Variants in SEMA3A observed in about 807,000 individuals in gnomAD.
The protein encoded by SEMA3A is semaphorin 3A, also known as semaphorin-3A.
In SEMA3A, 29 loss-of-function variants were observed where a neutral mutation model predicts 97.9. That is an observed-to-expected ratio of 0.30 (90% CI 0.22 to 0.40). The LOEUF (loss-of-function observed/expected upper bound fraction) is 0.40, where lower values mean the gene tolerates loss of function less well. Ranked by LOEUF, SEMA3A falls within the 10% of genes least tolerant of loss-of-function variation. The pLI, the probability that SEMA3A is intolerant of heterozygous loss-of-function variation, is 1.00. For synonymous variants in SEMA3A, 321 were observed against 323.7 expected, an observed-to-expected ratio of 0.99 and a Z score of 0.09; for missense variants, 763 against 951.3, an observed-to-expected ratio of 0.80 and a Z score of 2.60.
At chr7:84,258,069 C>T (rs1260585961) in intron 3 of SEMA3A, among the ~76,000 whole-genome samples, 4 of 152,136 alleles carry the variant, frequency 2.6e-5, no homozygotes, top group East Asian at 1.9e-4. Context: ...TCATTGTCTT[C>T]GTGTTCAAAG....
chr7:84,435,728 C>T (rs1435585678), intron 1 of SEMA3A, among the ~76,000 whole-genome samples: 1 of 152,094 alleles, frequency 6.6e-6, no homozygotes, highest in African/African-American at 2.4e-5. Flanking sequence ...GAATTAATAC[C>T]ATTGAAATGT....
chr7:84,151,467 A>G (rs1411171840), intron 1 of SEMA3A, among the ~76,000 whole-genome samples: 1 of 151,962 alleles, frequency 6.6e-6, no homozygotes, highest in Non-Finnish European at 1.5e-5. Flanking sequence ...AGCCGATGCG[A>G]TCAACTGGAA....
At chr7:84,329,191 A>G (rs1363370126) in intron 2 of SEMA3A, among the ~76,000 whole-genome samples, 2 of 151,990 alleles carry the variant, frequency 1.3e-5, no homozygotes, top group African/African-American at 4.8e-5. Context: ...CAGAGGTAAC[A>G]TTATGTATAA....
chr7:84,389,043 T>C (rs1236658166), intron 1 of SEMA3A, among the ~76,000 whole-genome samples: 1 of 151,988 alleles, frequency 6.6e-6, no homozygotes, highest in African/African-American at 2.4e-5. Flanking sequence ...AAGGAGACCT[T>C]ATGAGGGGGA....
chr7:84,318,891 A>T (rs1393032590), intron 2 of SEMA3A, among the ~76,000 whole-genome samples: 2 of 152,154 alleles, frequency 1.3e-5, no homozygotes, highest in African/African-American at 4.8e-5. Flanking sequence ...AAGGCCAATG[A>T]AACAGTAACC....
intron 1 of SEMA3A, among the ~76,000 whole-genome samples, chr7:84,408,455 C>G (rs1417639397): frequency 8.6e-5 from 13 of 151,710 alleles, no homozygotes; most frequent in African/African-American, 2.4e-5. Flanking sequence ...GGACTGTAAA[C>G]TAGTTCAACC....
intron 12 of SEMA3A, among the ~76,000 whole-genome samples, chr7:83,999,172 TG>T (rs1216266207): frequency 6.6e-6 from 1 of 152,206 alleles, no homozygotes; most frequent in Non-Finnish European, 1.5e-5. Flanking sequence ...GATTTATTCT[TG>T]TCCATAATGT....
At chr7:84,317,932 T>C (rs1043423267) in intron 2 of SEMA3A, among the ~76,000 whole-genome samples, 1 of 152,156 alleles carries the variant, frequency 6.6e-6, no homozygotes, top group Admixed American at 6.5e-5. Context: ...AACTGGTGTA[T>C]TGTTATGCCA....
At chr7:84,007,538 A>T (rs1475049163) in intron 9 of SEMA3A, 41 bp from the exon 10 acceptor site, 1 of 1,424,208 alleles carries the variant, frequency 7.0e-7, no homozygotes, top group Non-Finnish European at 9.3e-7. Context: ...GTTCATCTTT[A>T]TACAATGGTA....
At position 84,149,305 on chromosome 7, in the gene SEMA3A, C is replaced by A. The variant is rs545726932; in HGVS notation, c.113-14354G>T. Among the ~76,000 whole-genome samples the A allele has an allele frequency of 2.2e-4, 34 of 152,252 alleles. 2 individuals are homozygous for A. The South Asian group carries it at 6.8e-3, about 31-fold the overall frequency. ...CTTCCATTTTGTTTCCAAATAGTTTCTTGCTATTAATGTAATTGTCTACAA... is the reference window on the plus strand; with the variant it reads ...CTTCCATTTTGTTTCCAAATAGTTTATTGCTATTAATGTAATTGTCTACAA... On this transcript the variant is annotated intron_variant, in intron 1 of 16. Transcript: ENST00000265362.
At chr7:84,351,908 G>A (rs1192990229) in intron 2 of SEMA3A, among the ~76,000 whole-genome samples, 3 of 152,008 alleles carry the variant, frequency 2.0e-5, no homozygotes, top group Non-Finnish European at 4.4e-5. Flanking sequence ...ATATCAAAGG[G>A]ATATCTGCAT....
chr7:84,492,433 G>A, intron 1 of SEMA3A: 1 of 152,082 alleles, frequency 6.6e-6, no homozygotes, highest in East Asian at 1.9e-4. Flanking sequence ...CCAAGTAAAA[G>A]AAAGAAAGAA....
At chr7:84,079,260 C>T (rs1794066120) in intron 4 of SEMA3A, among the ~76,000 whole-genome samples, 1 of 151,756 alleles carries the variant, frequency 6.6e-6, no homozygotes, top group Non-Finnish European at 1.5e-5. Flanking sequence ...TAGAAGAAAA[C>T]CTAGGCATTA....
chr7:83,993,726 T>G (rs1562960450), intron 12 of SEMA3A, among the ~76,000 whole-genome samples: 1 of 105,776 alleles, frequency 9.5e-6, no homozygotes, highest in Non-Finnish European at 1.9e-5. Flanking sequence ...TAACCCGACC[T>G]TTCTCTCTGG....
At chr7:84,103,145 T>C (rs183652336) in intron 4 of SEMA3A, among the ~76,000 whole-genome samples, 1 of 152,276 alleles carries the variant, frequency 6.6e-6, no homozygotes, top group Admixed American at 6.5e-5. Context: ...GCTACAGTCA[T>C]TGCGGTGGGC....
chr7:84,310,422 G>T (rs1003596886), intron 2 of SEMA3A, among the ~76,000 whole-genome samples: 2 of 151,742 alleles, frequency 1.3e-5, no homozygotes, highest in African/African-American at 4.8e-5. Flanking sequence ...TCTGTCAAAA[G>T]AGGTTCCATT....
intron 1 of SEMA3A, among the ~76,000 whole-genome samples, chr7:84,189,817 G>C (rs904851145): frequency 1.3e-5 from 2 of 151,512 alleles, no homozygotes; most frequent in Admixed American, 6.6e-5. Context: ...TAGAATTTAA[G>C]TATAATTGAC....
At position 84,268,249 on chromosome 7, in the gene SEMA3A, ATGTGTGTG is replaced by A. The variant is rs66460940; in HGVS notation, c.-83+38950_-83+38957del. Among the ~76,000 whole-genome samples, 575 of 131,026 alleles carry A rather than the reference ATGTGTGTG, an allele frequency of 4.4e-3. 5 individuals carry two copies. The highest frequency in any genetic ancestry group is 0.027 in the East Asian group (119 of 4,346). The allele number at this position is 131,026 out of a possible 152,430, so 86.0% of individuals were successfully genotyped here. On this transcript the variant is annotated intron_variant, in intron 3 of 3. Transcript: ENST00000424555. ...AAGATTTTTCCTGAGAGACATAAGC[ATGTGTGTG>A]TGTGTGTGTGTGTGTGTGTGTGTGT...
chr7:84,344,108 T>C lies in SEMA3A; in HGVS notation c.-169+27716A>G, dbSNP rs1009633708. On this transcript the variant is annotated intron_variant, in intron 2 of 3. Transcript: ENST00000424555. ...AAAATACATTAATACTTATGCAAAA[T>C]ATTTATTATATCAGAATATGGTTAT... Among the ~76,000 whole-genome samples the C allele has an allele frequency of 2.6e-5, 4 of 152,190 alleles. No homozygotes were observed. The South Asian group carries it at 8.3e-4, about 32-fold the overall frequency.
Sources: allele counts gnomAD v4.1 joint callset (sites outside exome capture counted in the v4.1 genomes callset), GRCh38; gene constraint gnomAD v4.1.1; transcripts MANE v1.5; gene names NCBI Gene and HGNC (gene_info 2026-07-23, HGNC 2026-07-21).